KPNA4: variants seen among roughly 807,000 people sequenced by gnomAD.
KPNA4 encodes the protein importin subunit alpha-3.
KPNA4 carries 13 observed loss-of-function variants against 71.3 expected under a neutral mutation model. That is an observed-to-expected ratio of 0.18 (90% confidence interval 0.12 to 0.29). KPNA4 has a LOEUF of 0.29. Ranked by LOEUF, KPNA4 falls within the 10% of genes least tolerant of loss-of-function variation. The pLI, the probability that KPNA4 is intolerant of heterozygous loss-of-function variation, is 1.00. For missense variants in KPNA4, 334 were observed against 603.2 expected (o/e 0.55, Z 4.67); for synonymous variants, 189 against 195.2 (o/e 0.97, Z 0.26).
At chr3:160,550,138 T>C (rs1722009049) in intron 1 of KPNA4, among the ~76,000 whole-genome samples, 1 of 152,242 alleles carries the variant, frequency 6.6e-6, no homozygotes, top group South Asian at 2.1e-4. Context: ...AGGGTGATTG[T>C]GTCATCTGTG....
intron 11 of KPNA4, among the ~76,000 whole-genome samples, chr3:160,518,475 T>G (rs1319848091): frequency 6.6e-6 from 1 of 151,100 alleles, no homozygotes; most frequent in African/African-American, 2.4e-5. Flanking sequence ...GGGGTCCAAC[T>G]TCATTATTTT....
Position 160,502,221 on chromosome 3 carries a change from A to G in KPNA4, c.1468-19T>C. 1 of 1,344,234 alleles carries G rather than the reference A, an allele frequency of 7.4e-7. No individual in the cohort carries two copies. The highest frequency in any genetic ancestry group is 1.0e-6 in the Non-Finnish European group (1 of 964,212). 83.3% of individuals were successfully genotyped at this position (1,344,234 alleles called of 1,614,324 possible). A position where few individuals can be genotyped will look rare whatever the true frequency, so the allele number is the denominator to read the frequency against. ...CATCAATCTAGGTGAAAAAAAAGAA[A>G]AAGAATGTGATAATTAGTTTTAAAA... On this transcript the variant is annotated intron_variant, in intron 16 of 16. Transcript: ENST00000334256.
intron 13 of KPNA4, among the ~76,000 whole-genome samples, chr3:160,513,249 GTT>G (rs946090860): frequency 7.4e-5 from 6 of 80,640 alleles, no homozygotes; most frequent in South Asian, 4.9e-4. Flanking sequence ...CTACTTTGTG[GTT>G]TTTTTTTTTT....
chr3:160,500,477 C>T lies in KPNA4; in HGVS notation c.*1627G>A, dbSNP rs1239255722. ...CTGTTGTTCATGCAACACTTGTGCTCAAAGGGGAAGGCACAGGATTTCCTA... is the reference window on the plus strand; with the variant it reads ...CTGTTGTTCATGCAACACTTGTGCTTAAAGGGGAAGGCACAGGATTTCCTA... On this transcript the variant is annotated 3_prime_UTR_variant, in exon 17 of 17. Coordinates refer to ENST00000334256, the MANE Select transcript of KPNA4 (RefSeq NM_002268.5). 6.6e-6 allele frequency: 1 copy of T among 152,484 alleles called. No individual in the cohort carries two copies. The highest frequency in any genetic ancestry group is 2.4e-5 in the African/African-American group (1 of 41,406). The allele number at this position is 152,484 out of a possible 1,614,324, so 9.4% of individuals were successfully genotyped here. A position where few individuals can be genotyped will look rare whatever the true frequency, so the allele number is the denominator to read the frequency against.
chr3:160,534,608 C>T (rs1027848576), intron 5 of KPNA4, among the ~76,000 whole-genome samples: 2 of 147,648 alleles, frequency 1.4e-5, no homozygotes, highest in African/African-American at 5.0e-5. Flanking sequence ...ATCCCATCTA[C>T]TTGGGAGGCT....
At chr3:160,561,846 C>G (rs925812752) in intron 1 of KPNA4, among the ~76,000 whole-genome samples, 1 of 151,998 alleles carries the variant, frequency 6.6e-6, no homozygotes, top group Middle Eastern at 3.2e-3. Flanking sequence ...TCCCTTCCCT[C>G]CCCCAAAAAG....
chr3:160,529,909 C>T lies in KPNA4; in HGVS notation c.469+946G>A, dbSNP rs1014651006. On this transcript the variant is annotated intron_variant, in intron 7 of 16. Coordinates refer to ENST00000334256, the MANE Select transcript of KPNA4 (RefSeq NM_002268.5). ...CTTTGGGAGGCCGAGGCAGGCGGAT[C>T]ATGAGGTCAGGAGATCGAGACCGAG... 6.0e-5 allele frequency among the ~76,000 whole-genome samples: 9 copies of T among 150,610 alleles called. No homozygotes were observed. In the South Asian group the frequency reaches 8.4e-4, roughly 14 times the overall value.
intron 1 of KPNA4, among the ~76,000 whole-genome samples, chr3:160,563,609 A>T (rs943010968): frequency 6.6e-6 from 1 of 152,112 alleles, no homozygotes; most frequent in Non-Finnish European, 1.5e-5. Context: ...CCTAATTGCT[A>T]TTTTTCTGGA....
Position 160,501,230 on chromosome 3 carries a change from A to T in KPNA4, c.*874T>A, listed in dbSNP as rs568723890. On this transcript the variant is annotated 3_prime_UTR_variant, in exon 17 of 17. Coordinates refer to ENST00000334256, the MANE Select transcript of KPNA4 (RefSeq NM_002268.5). Reference sequence around the variant, plus strand: ...GGAAACCTTCCTGAAAAGTTTTCTGACTTGAGAAGCAACTAAAAAAAGGCA... The same window carrying T: ...GGAAACCTTCCTGAAAAGTTTTCTGTCTTGAGAAGCAACTAAAAAAAGGCA... 6.6e-6 allele frequency: 1 copy of T among 152,128 alleles called. No homozygotes were observed. Among genetic ancestry groups the T allele is most frequent in the Non-Finnish European group, 1.5e-5 (1 of 67,958 alleles). 9.4% of individuals were successfully genotyped at this position (152,128 alleles called of 1,614,324 possible).
chr3:160,518,987 T>A (rs1721290464), intron 11 of KPNA4, among the ~76,000 whole-genome samples: 1 of 152,226 alleles, frequency 6.6e-6, no homozygotes, highest in Non-Finnish European at 1.5e-5. Flanking sequence ...TACTGTAGCT[T>A]TGCAGTGTTT....
At chr3:160,560,939 T>C (rs1722231259) in intron 1 of KPNA4, among the ~76,000 whole-genome samples, 1 of 152,048 alleles carries the variant, frequency 6.6e-6, no homozygotes, top group Non-Finnish European at 1.5e-5. Context: ...CTCTAAAAGT[T>C]AACAAGACTT....
chr3:160,527,904 T>C (rs1721488912), intron 8 of KPNA4, 49 bp downstream of exon 8: 16 of 1,368,814 alleles, frequency 1.2e-5, no homozygotes, highest in Non-Finnish European at 1.7e-5. Flanking sequence ...TTTTATTACT[T>C]AGTATATGAT....
chr3:160,517,961 T>G (rs909829108), intron 11 of KPNA4, among the ~76,000 whole-genome samples: 2 of 152,222 alleles, frequency 1.3e-5, no homozygotes, highest in African/African-American at 4.8e-5. Context: ...CACACAAGTT[T>G]GTAAGTTTTG....
intron 1 of KPNA4, among the ~76,000 whole-genome samples, chr3:160,561,487 T>C (rs1722245271): frequency 6.6e-6 from 1 of 152,050 alleles, no homozygotes; most frequent in African/African-American, 2.4e-5. Context: ...TGATAGTTCC[T>C]GATAATTATT....
intron 10 of KPNA4, among the ~76,000 whole-genome samples, chr3:160,524,336 T>C (rs1432038721): frequency 1.3e-5 from 2 of 151,836 alleles, no homozygotes; most frequent in African/African-American, 2.4e-5. Flanking sequence ...AATCGTTTTA[T>C]TTATTTATTT....
intron 8 of KPNA4, 62 bp downstream of exon 8, chr3:160,527,891 T>C: frequency 8.2e-7 from 1 of 1,224,472 alleles, no homozygotes; most frequent in Non-Finnish European, 1.2e-6. Flanking sequence ...TACTAGTAGC[T>C]ATTTTTATTA....
intron 5 of KPNA4, among the ~76,000 whole-genome samples, chr3:160,534,856 T>C (rs761319015): frequency 4.0e-5 from 6 of 151,596 alleles, no homozygotes; most frequent in Non-Finnish European, 8.8e-5. Context: ...CCCAAGTAGC[T>C]GGAATTACAG....
chr3:160,522,480 CG>C (rs1367543423), intron 10 of KPNA4, among the ~76,000 whole-genome samples: 2 of 150,142 alleles, frequency 1.3e-5, no homozygotes, highest in Admixed American at 1.3e-4. Flanking sequence ...TTTTTTGAGA[CG>C]GAGTCTCGCT....
chr3:160,520,807 C>T, intron 11 of KPNA4, among the ~76,000 whole-genome samples: 1 of 152,158 alleles, frequency 6.6e-6, no homozygotes, highest in Non-Finnish European at 1.5e-5. Context: ...CTAACGGTTT[C>T]TCTTATGCGA....
Sources: gnomAD v4.1 joint callset for allele counts (sites outside exome capture counted in the v4.1 genomes callset) on GRCh38, gnomAD v4.1.1 for gene constraint, MANE v1.5 for transcripts, NCBI Gene and HGNC (gene_info 2026-07-23, HGNC 2026-07-21) for gene names.